Variants in MAN1A1 observed in about 807,000 individuals in gnomAD.
The protein encoded by MAN1A1 is mannosidase alpha class 1A member 1, also known as mannosyl-oligosaccharide 1,2-alpha-mannosidase IA.
In MAN1A1, 29 loss-of-function variants were observed where a neutral mutation model predicts 70.8. The ratio of observed to expected loss-of-function variants is 0.41; its 90% CI spans 0.31 to 0.56. The LOEUF is 0.56. Ranked by LOEUF, MAN1A1 falls within the 20% of genes least tolerant of loss-of-function variation. MAN1A1 has a pLI of 0.29. For missense variants in MAN1A1, 747 were observed against 841.3 expected, an observed-to-expected ratio of 0.89 and a Z score of 1.39; for synonymous variants, 349 against 330.1, an observed-to-expected ratio of 1.06 and a Z score of -0.62.
intron 2 of MAN1A1, among the ~76,000 whole-genome samples, chr6:119,323,413 A>G (rs767524683): frequency 2.0e-5 from 3 of 152,062 alleles, no homozygotes; most frequent in Non-Finnish European, 4.4e-5. Context: ...TATGATCACA[A>G]TCTCATATTT....
At chr6:119,204,618 G>T in intron 7 of MAN1A1, 141 bp downstream of exon 7, 1 of 1,005,124 alleles carries the variant, frequency 9.9e-7, no homozygotes, top group Non-Finnish European at 1.5e-6. Flanking sequence ...TAAATGAAAT[G>T]CTGCATGTTG....
intron 5 of MAN1A1, among the ~76,000 whole-genome samples, chr6:119,255,774 C>T (rs772063489): frequency 2.6e-5 from 4 of 152,170 alleles, no homozygotes; most frequent in Non-Finnish European, 5.9e-5. Context: ...CAGAGGGACT[C>T]TCCCCTGTGG....
intron 5 of MAN1A1, among the ~76,000 whole-genome samples, chr6:119,290,294 T>C (rs1232764547): frequency 6.6e-6 from 1 of 152,044 alleles, no homozygotes; most frequent in Non-Finnish European, 1.5e-5. Flanking sequence ...TGCCAGGCTT[T>C]ATTCATTTAA....
intron 4 of MAN1A1, among the ~76,000 whole-genome samples, chr6:119,295,129 T>C (rs1472673096): frequency 6.6e-6 from 1 of 152,062 alleles, no homozygotes; most frequent in Admixed American, 6.6e-5. Flanking sequence ...TAAACCAACA[T>C]ACCATGAGAT....
intron 5 of MAN1A1, among the ~76,000 whole-genome samples, chr6:119,262,146 T>C (rs1357438135): frequency 2.0e-5 from 3 of 151,792 alleles, no homozygotes; most frequent in African/African-American, 4.8e-5. Flanking sequence ...AGAAATGGAG[T>C]CAAGCTGTTT....
chr6:119,328,064 G>T (rs1773202221), intron 2 of MAN1A1, among the ~76,000 whole-genome samples: 1 of 152,140 alleles, frequency 6.6e-6, no homozygotes, highest in Admixed American at 6.5e-5. Flanking sequence ...TCAGTGCAGA[G>T]AAACCAAACA....
At chr6:119,202,479 A>G (rs1773740353) in intron 7 of MAN1A1, among the ~76,000 whole-genome samples, 1 of 152,228 alleles carries the variant, frequency 6.6e-6, no homozygotes, top group Non-Finnish European at 1.5e-5. Flanking sequence ...CTTAAAAAAA[A>G]AGTGGTACAT....
At chr6:119,229,939 C>G (rs1378080447) in intron 6 of MAN1A1, among the ~76,000 whole-genome samples, 1 of 152,082 alleles carries the variant, frequency 6.6e-6, no homozygotes, top group East Asian at 1.9e-4. Flanking sequence ...AACAAGTGAA[C>G]AGAACTAAAA....
chr6:119,241,940 GTGTA>G (rs1307543426), intron 6 of MAN1A1, among the ~76,000 whole-genome samples: 3 of 91,504 alleles, frequency 3.3e-5, no homozygotes, highest in Non-Finnish European at 6.9e-5. Flanking sequence ...ATGTGTGTGT[GTGTA>G]TGTATGTGTG....
intron 2 of MAN1A1, among the ~76,000 whole-genome samples, chr6:119,313,907 GA>G (rs1176139580): frequency 7.1e-6 from 1 of 140,498 alleles, no homozygotes; most frequent in African/African-American, 2.5e-5. Flanking sequence ...GTGACAAAAC[GA>G]GAGTCAAGCC....
At chr6:119,218,469 C>T (rs148842989) in intron 6 of MAN1A1, among the ~76,000 whole-genome samples, 4 of 152,132 alleles carry the variant, frequency 2.6e-5, no homozygotes, top group Non-Finnish European at 5.9e-5. Flanking sequence ...CTCACCTCTA[C>T]AATATCTTAG....
At chr6:119,239,097 C>T (rs1188233998) in intron 6 of MAN1A1, among the ~76,000 whole-genome samples, 3 of 151,958 alleles carry the variant, frequency 2.0e-5, no homozygotes, top group African/African-American at 7.2e-5. Context: ...TCACCGTGGT[C>T]TCGATCTCCT....
At chr6:119,226,773 C>A (rs143822512) in intron 6 of MAN1A1, among the ~76,000 whole-genome samples, 15,216 of 152,156 alleles carry the variant, frequency 0.1, 973 homozygotes, top group Non-Finnish European at 0.14. Context: ...TGGGTTCAAG[C>A]GATTCTTGTG....
chr6:119,181,453 T>TG (rs1170712736), intron 11 of MAN1A1, among the ~76,000 whole-genome samples: 2 of 79,664 alleles, frequency 2.5e-5, no homozygotes, highest in East Asian at 3.9e-4. Flanking sequence ...AAATACATGT[T>TG]TTTTTTTTTT....
At chr6:119,349,916 G>A, upstream of MAN1A1, 2 of 304,322 alleles carry the variant, frequency 6.6e-6, no homozygotes, top group Non-Finnish European at 9.6e-6. Flanking sequence ...TTTACGGGAA[G>A]CGCAGCCTCG....
rs533596454 is a variant in MAN1A1 at position 119,224,629 on chromosome 6, A to T, written c.993-19747T>A. Among the ~76,000 whole-genome samples the T allele has an allele frequency of 1.1e-4, 17 of 152,336 alleles. 1 individual carries two copies. Among genetic ancestry groups the T allele is most frequent in the African/African-American group, 3.6e-4 (15 of 41,580 alleles). ...TCTAAAATATCCAGTTTTTAACACA[A>T]AGTTACCAGACATATAAAGAAATAG... On this transcript the variant is annotated intron_variant, in intron 6 of 12. Transcript: ENST00000368468.
chr6:119,301,326 C>G (rs1772383104), intron 4 of MAN1A1, among the ~76,000 whole-genome samples: 1 of 152,154 alleles, frequency 6.6e-6, no homozygotes, highest in African/African-American at 2.4e-5. Flanking sequence ...AAGACGTAGT[C>G]CTCCCCAGTC....
At chr6:119,271,610 CTG>C (rs1775925941) in intron 5 of MAN1A1, among the ~76,000 whole-genome samples, 15 of 152,224 alleles carry the variant, frequency 9.9e-5, no homozygotes, top group African/African-American at 3.4e-4. Context: ...AGCAATTCTC[CTG>C]CCTCAGCCTC....
chr6:119,259,549 G>A (rs533405464), intron 5 of MAN1A1, among the ~76,000 whole-genome samples: 2 of 152,150 alleles, frequency 1.3e-5, no homozygotes, highest in Admixed American at 1.3e-4. Context: ...TAGGCAGGTG[G>A]TTTGTTATTT....
Sources: gnomAD v4.1 joint callset for allele counts (sites outside exome capture counted in the v4.1 genomes callset) on GRCh38, gnomAD v4.1.1 for gene constraint, MANE v1.5 for transcripts, NCBI Gene and HGNC (gene_info 2026-07-23, HGNC 2026-07-21) for gene names.